The following RPL3 variants were observed in gnomAD, a reference collection of about 807,000 sequenced individuals.
RPL3 encodes the protein large ribosomal subunit protein uL3.
A neutral mutation model predicts 46.0 loss-of-function variants in RPL3; 3 were observed. The observed-to-expected ratio is 0.07, with a 90% confidence interval of 0.03 to 0.17. The LOEUF (loss-of-function observed/expected upper bound fraction) is 0.17. RPL3 is among the 10% of genes least tolerant of loss of function. RPL3 has a pLI of 1.00. For missense variants in RPL3, 387 were observed against 532.7 expected (o/e 0.73, Z 2.69); for synonymous variants, 224 against 190.8 (o/e 1.17, Z -1.43).
chr22:39,316,683 C>A, intron 4 of RPL3, 23 bp downstream of exon 4: 1 of 1,611,878 alleles, frequency 6.2e-7, no homozygotes. Flanking sequence ...GCAGGCCAAG[C>A]CACCCCGGGG....
rs1922528577 is a variant in RPL3 at position 39,314,095 on chromosome 22, C to A, written c.951+12G>T. The A allele has an allele frequency of 6.2e-7, 1 of 1,608,690 alleles. No homozygotes were observed. The highest frequency in any genetic ancestry group is 1.1e-5 in the South Asian group (1 of 90,960). The stretch of plus-strand genomic sequence containing the variant: ...TGGGATGGCCTCACAGAGCAGAACA[C>A]CCATTACTTACCAGAGGGTTGATGC... On this transcript the variant is annotated intron_variant, in intron 7 of 9. Transcript: ENST00000216146.
intron 1 of RPL3, chr22:39,319,182 A>ACTCCC (rs1922895811): frequency 1.9e-6 from 1 of 536,704 alleles, no homozygotes; most frequent in Non-Finnish European, 3.7e-6. Flanking sequence ...ACTCCACAAC[A>ACTCCC]CTCCCCTCCC....
intron 8 of RPL3, 27 bp downstream of exon 8, chr22:39,313,607 C>T (rs756718095): frequency 1.9e-6 from 3 of 1,605,508 alleles, no homozygotes; most frequent in South Asian, 1.1e-5. Context: ...CAAGAGCCCC[C>T]CCATGACAAG....
rs1339276139 is a variant in RPL3, at chr22:39,318,519, C to A, written c.77G>T (p.Arg26Leu). The A allele has an allele frequency of 1.2e-6, 2 of 1,613,742 alleles. No individual in the cohort carries two copies. The highest frequency in any genetic ancestry group is 1.7e-6 in the Non-Finnish European group (2 of 1,179,864). The part of the protein sequence containing the change: ...FLPRKRSSRH[R>L]GKVKSFPKDD... ...CTTAGGGAAGCTCTTCACCTTCCCACGATGCCTGCTGCTGCGCTTCCGAGG... is the reference window on the plus strand; with the variant it reads ...CTTAGGGAAGCTCTTCACCTTCCCAAGATGCCTGCTGCTGCGCTTCCGAGG... The change falls in exon 2 of 10, where the codon CGT becomes CTT. Residue 26 changes from arginine to leucine, a missense_variant. By Grantham distance (102) the Arg-to-Leu change is moderately radical. This residue lies in a region of RPL3 where 196 missense variants were observed against 217.5 expected (regional missense o/e 0.90). Coordinates refer to ENST00000216146, the MANE Select transcript of RPL3 (RefSeq NM_000967.4).
At chr22:39,315,633 CTGATTGA>C in intron 4 of RPL3, 78 bp from the exon 5 acceptor site, 2 of 1,541,148 alleles carry the variant, frequency 1.3e-6, no homozygotes, top group East Asian at 2.3e-5. Flanking sequence ...TCCATGCGGC[CTGATTGA>C]TGTCAAGCAC....
intron 5 of RPL3, chr22:39,315,054 C>T (rs1295527487): frequency 6.9e-6 from 5 of 724,604 alleles, no homozygotes; most frequent in Non-Finnish European, 1.1e-5. Flanking sequence ...CTTTTTAAGG[C>T]ATCCATTAGT....
chr22:39,316,964 G>A, intron 3 of RPL3, 123 bp from the exon 4 acceptor site: 2 of 1,508,272 alleles, frequency 1.3e-6, no homozygotes, highest in Non-Finnish European at 9.2e-7. Context: ...CTTCTAAGGA[G>A]CCTTTTCCAC....
At chr22:39,317,285 C>G (rs1922761871) in intron 3 of RPL3, 176 bp downstream of exon 3, 3 of 742,400 alleles carry the variant, frequency 4.0e-6, no homozygotes, top group Non-Finnish European at 6.4e-6. Context: ...TAGCTTCCGG[C>G]TGAAACCAGA....
chr22:39,313,099 G>C (rs1922459174), intron 9 of RPL3, 92 bp downstream of exon 9: 1 of 1,601,590 alleles, frequency 6.2e-7, no homozygotes. Flanking sequence ...GAGGCCTAAG[G>C]CATCAAGACC....
At chr22:39,314,984 T>G (rs1922587766) in intron 5 of RPL3, 138 bp from the exon 6 acceptor site, 1 of 1,245,544 alleles carries the variant, frequency 8.0e-7, no homozygotes, top group African/African-American at 1.5e-5. Flanking sequence ...CCCACAGGTC[T>G]CCCCTGTCAA....
In RPL3 at chr22:39,317,557, A is replaced by G. The variant is rs1391826398; in HGVS notation, c.269T>C (p.Val90Ala). 7.4e-6 allele frequency: 12 copies of G among 1,613,976 alleles called. No individual in the cohort carries two copies. Among genetic ancestry groups the G allele is most frequent in the Non-Finnish European group, 1.0e-5 (12 of 1,179,852 alleles). Residue 90 changes from valine to alanine, a missense_variant, in exon 3 of 10, where the codon GTG (valine) becomes GCG (alanine). By Grantham distance (64) the Val-to-Ala change is moderately conservative. Coordinates refer to ENST00000216146, the MANE Select transcript of RPL3 (RefSeq NM_000967.4). ...ETPPMVVVGI[V>A]GYVETPRGLR... Reference sequence around the variant, plus strand: ...GCCTCGAGGGGTTTCCACGTAGCCCACAATGCCCACAACCACCATGGGTGG... The same window carrying G: ...GCCTCGAGGGGTTTCCACGTAGCCCGCAATGCCCACAACCACCATGGGTGG...
chr22:39,317,949 T>C (rs1352241311), intron 2 of RPL3: 1 of 384,466 alleles, frequency 2.6e-6, no homozygotes, highest in Admixed American at 4.1e-5. Flanking sequence ...GCTCAGAGAT[T>C]AGTCAGTATC....
Position 39,318,519 on chromosome 22 carries a change from C to T in RPL3, c.77G>A (p.Arg26His). ...CTTAGGGAAGCTCTTCACCTTCCCACGATGCCTGCTGCTGCGCTTCCGAGG... is the reference window on the plus strand; with the variant it reads ...CTTAGGGAAGCTCTTCACCTTCCCATGATGCCTGCTGCTGCGCTTCCGAGG... Reference protein sequence around the residue: ...FLPRKRSSRHRGKVKSFPKDD... With the variant: ...FLPRKRSSRHHGKVKSFPKDD... The change falls in exon 2 of 10, where the codon CGT (arginine) becomes CAT (histidine). Residue 26 changes from arginine (R) to histidine (H), a missense_variant. By Grantham distance (29) the Arg-to-His change is conservative. Coordinates refer to ENST00000216146, the MANE Select transcript of RPL3 (RefSeq NM_000967.4). 2.5e-6 allele frequency: 4 copies of T among 1,613,860 alleles called. No homozygotes were observed. The highest frequency in any genetic ancestry group is 2.2e-5 in the South Asian group (2 of 91,054).
Position 39,314,099 on chromosome 22 carries a change from T to C in RPL3, c.951+8A>G, listed in dbSNP as rs756490715. The C allele has an allele frequency of 1.3e-5, 21 of 1,611,096 alleles. No homozygotes were observed. Among genetic ancestry groups the C allele is most frequent in the Non-Finnish European group, 1.6e-5 (19 of 1,178,264 alleles). On this transcript the variant is annotated splice_region_variant and intron_variant, in intron 7 of 9. Transcript: ENST00000216146. ...ATGGCCTCACAGAGCAGAACACCCATTACTTACCAGAGGGTTGATGCTCTT... is the reference window on the plus strand; with the variant it reads ...ATGGCCTCACAGAGCAGAACACCCACTACTTACCAGAGGGTTGATGCTCTT...
In RPL3 at chr22:39,317,455, C is replaced by T; in HGVS notation, c.365+6G>A. ...AAGCTAGGGACTGCATGGCCTCCTC[C>T]CTTACCAATTCTTATAGAAACGCCT... On this transcript the variant is annotated splice_donor_region_variant and intron_variant, in intron 3 of 9. Transcript: ENST00000216146. 2 of 1,612,830 alleles carry T rather than the reference C, an allele frequency of 1.2e-6. No individual in the cohort carries two copies. Among genetic ancestry groups the T allele is most frequent in the South Asian group, 1.1e-5 (1 of 91,050 alleles).
At chr22:39,313,122 G>A in intron 9 of RPL3, 69 bp downstream of exon 9, 1 of 1,597,328 alleles carries the variant, frequency 6.3e-7, no homozygotes, top group East Asian at 2.3e-5. Flanking sequence ...CCCTACCCCG[G>A]CTGGAGCCAA....
At chr22:39,313,854 C>T (rs752423753) in intron 7 of RPL3, 125 bp from the exon 8 acceptor site, 49 of 971,488 alleles carry the variant, frequency 5.0e-5, no homozygotes, top group Non-Finnish European at 5.5e-5. Flanking sequence ...GGAACGGTTC[C>T]GCAGTCTGTC....
At chr22:39,317,943 A>T (rs945335385) in intron 2 of RPL3, 1 of 397,140 alleles carries the variant, frequency 2.5e-6, no homozygotes, top group Non-Finnish European at 4.6e-6. Flanking sequence ...CTCTGAGCTC[A>T]GAGATTAGTC....
intron 4 of RPL3, 117 bp from the exon 5 acceptor site, chr22:39,315,672 T>C (rs2146514380): frequency 8.2e-7 from 1 of 1,218,266 alleles, no homozygotes. Flanking sequence ...CCAGTAACTC[T>C]GAACAAGTCA....
Sources: allele counts gnomAD v4.1 joint callset, GRCh38; gene constraint gnomAD v4.1.1; regional missense constraint gnomAD v4.1.1; transcripts MANE v1.5; gene names NCBI Gene and HGNC (gene_info 2026-07-23, HGNC 2026-07-21).